Variants in PCDHGA2 observed in about 807,000 individuals in gnomAD.
PCDHGA2 encodes protocadherin gamma-A2.
PCDHGA2 carries 40 observed loss-of-function variants against 59.2 expected under a neutral mutation model. That is an observed-to-expected ratio of 0.68 (90% CI 0.52 to 0.88). The LOEUF (loss-of-function observed/expected upper bound fraction) is 0.88. PCDHGA2 is among the 40% of genes least tolerant of loss of function. The pLI, the probability that PCDHGA2 is intolerant of heterozygous loss-of-function variation, is 0.00. For synonymous variants in PCDHGA2, 560 were observed against 526.0 expected, an observed-to-expected ratio of 1.06 and a Z score of -0.89; for missense variants, 1,226 against 1,204.0, an observed-to-expected ratio of 1.02 and a Z score of -0.27.
At chr5:141,371,868 G>C (rs755178809) in intron 1 of PCDHGA2, 2 of 1,613,510 alleles carry the variant, frequency 1.2e-6, no homozygotes, top group Non-Finnish European at 8.5e-7. Flanking sequence ...CTACTACATC[G>C]TGGCCAGTGA....
chr5:141,505,557 A>C (rs2099846692), intron 3 of PCDHGA2, 76 bp downstream of exon 3: 1 of 1,606,080 alleles, frequency 6.2e-7, no homozygotes, highest in Non-Finnish European at 8.5e-7. Flanking sequence ...CACCATGCCC[A>C]CGGACTGGAT....
chr5:141,461,830 CT>C (rs1030113508), intron 1 of PCDHGA2, among the ~76,000 whole-genome samples: 30 of 145,198 alleles, frequency 2.1e-4, no homozygotes, highest in Non-Finnish European at 2.4e-4. Flanking sequence ...ATTTTTTTTT[CT>C]TTTTTTTTTG....
chr5:141,429,741 C>T (rs2097240604), intron 1 of PCDHGA2, among the ~76,000 whole-genome samples: 1 of 152,106 alleles, frequency 6.6e-6, no homozygotes, highest in Admixed American at 6.5e-5. Flanking sequence ...CCAGTTATTT[C>T]TTAGGGAGAA....
rs183831513 is a variant in PCDHGA2 at position 141,497,605 on chromosome 5, T to A, written c.2483+2740T>A. ...CCCAAGCTGGAGTGCAGTGGTGCGA[T>A]CTTGGCTCACTGCAACCTCTGCCTG... On this transcript the variant is annotated intron_variant, in intron 2 of 3. Coordinates refer to ENST00000394576, the MANE Select transcript of PCDHGA2 (RefSeq NM_018915.4). Among the ~76,000 whole-genome samples, 19 of 151,488 alleles carry A rather than the reference T, an allele frequency of 1.3e-4. No individual in the cohort carries two copies. In the East Asian group the frequency reaches 3.7e-3, roughly 29 times the overall value.
At chr5:141,372,197 C>A in intron 1 of PCDHGA2, 1 of 1,613,590 alleles carries the variant, frequency 6.2e-7, no homozygotes, top group Non-Finnish European at 8.5e-7. Context: ...CGGGATACAA[C>A]GCCTGGCTGT....
rs777634460 is a variant in PCDHGA2 at position 141,375,881 on chromosome 5, C to T, written c.2424+34486C>T. 4 of 1,613,818 alleles carry T rather than the reference C, an allele frequency of 2.5e-6. No individual in the cohort carries two copies. The South Asian group carries it at 4.4e-5, about 18-fold the overall frequency. ...GGTGGCGGTGGACAGAGACTCGGGC[C>T]AGAACGCCTGGCTGTCCTACCGCCT... On this transcript the variant is annotated intron_variant, in intron 1 of 3. Coordinates refer to ENST00000394576, the MANE Select transcript of PCDHGA2 (RefSeq NM_018915.4).
In PCDHGA2 at chr5:141,341,321, A is replaced by G. The variant is rs1388617397; in HGVS notation, c.2350A>G (p.Ser784Gly). 3.7e-6 allele frequency: 6 copies of G among 1,614,210 alleles called. No homozygotes were observed. The South Asian group carries it at 5.5e-5, about 15-fold the overall frequency. Residue 784 changes from serine to glycine, a missense_variant, in exon 1 of 4, where the codon AGC becomes GGC. Transcript: ENST00000394576. ...TGCGGACACGCTCATCAGCCAGGAG[A>G]GCTGTGAGAAAAAGGATTTTTTATC... ...NYADTLISQESCEKKDFLSAP... is the reference protein window; with the variant it reads ...NYADTLISQEGCEKKDFLSAP...
chr5:141,439,171 C>T (rs948650584), intron 1 of PCDHGA2, among the ~76,000 whole-genome samples: 3 of 146,478 alleles, frequency 2.0e-5, no homozygotes, highest in Non-Finnish European at 3.0e-5. Context: ...CCAGCCTGGG[C>T]GACATAGTGA....
At chr5:141,419,146 G>A in intron 1 of PCDHGA2, 1 of 1,613,922 alleles carries the variant, frequency 6.2e-7, no homozygotes, top group Non-Finnish European at 8.5e-7. Context: ...ACAGGGGCAA[G>A]CCTCCGTTAT....
At chr5:141,372,809 G>T in intron 1 of PCDHGA2, 3 of 1,587,730 alleles carry the variant, frequency 1.9e-6, no homozygotes, top group Non-Finnish European at 2.6e-6. Context: ...ATTTGCAAAA[G>T]GTGAGTTTCT....
intron 1 of PCDHGA2, among the ~76,000 whole-genome samples, chr5:141,462,264 G>A (rs966953621): frequency 1.3e-5 from 2 of 152,174 alleles, no homozygotes; most frequent in African/African-American, 4.8e-5. Context: ...CCAGCCTAAA[G>A]TGTATTGTTT....
At position 141,458,567 on chromosome 5, in the gene PCDHGA2, T is replaced by TTTTG. The variant is rs144471304; in HGVS notation, c.2425-36224_2425-36221dup. Among the ~76,000 whole-genome samples the TTTTG allele has an allele frequency of 8.6e-5, 13 of 151,610 alleles. No individual in the cohort carries two copies. The East Asian group carries it at 1.5e-3, about 18-fold the overall frequency. On this transcript the variant is annotated intron_variant, in intron 1 of 3. Coordinates refer to ENST00000394576, the MANE Select transcript of PCDHGA2 (RefSeq NM_018915.4). ...TTGTTTGTTTGTTTTGGTTTTGGGT[T>TTTTG]TTTGTTTGTTTGTTTGTTTTGGAGA...
intron 1 of PCDHGA2, chr5:141,420,053 T>C (rs1178680836): frequency 3.1e-6 from 5 of 1,613,970 alleles, no homozygotes; most frequent in Non-Finnish European, 2.5e-6. Context: ...GTCAGTTCTC[T>C]GCTCCAAGTC....
chr5:141,471,394 G>A (rs1349459242), intron 1 of PCDHGA2: 1 of 152,056 alleles, frequency 6.6e-6, no homozygotes, highest in Non-Finnish European at 1.5e-5. Context: ...TACAAGTTAC[G>A]TAGCTAGGCT....
chr5:141,374,563 T>G, intron 1 of PCDHGA2: 1 of 1,613,710 alleles, frequency 6.2e-7, no homozygotes, highest in South Asian at 1.1e-5. Context: ...TCTATGACCC[T>G]GATGTGGGAA....
chr5:141,389,837 A>C, intron 1 of PCDHGA2: 2 of 1,613,842 alleles, frequency 1.2e-6, no homozygotes, highest in South Asian at 2.2e-5. Context: ...GACAGCCACC[A>C]CTCTCGGCCA....
intron 1 of PCDHGA2, chr5:141,371,902 C>T: frequency 6.2e-7 from 1 of 1,613,404 alleles, no homozygotes; most frequent in Non-Finnish European, 8.5e-7. Flanking sequence ...GAGCTGTCGT[C>T]CTACGTGTCC....
At position 141,491,065 on chromosome 5, in the gene PCDHGA2, C is replaced by T; in HGVS notation, c.2425-3742C>T. On this transcript the variant is annotated intron_variant, in intron 1 of 3. Transcript: ENST00000394576. This position sits in a 1 kb window ranked among gnomAD's most constrained non-coding sequence, Gnocchi z 6.9. ...CCACAATGCGTGGCTCTCCTACTCA[C>T]TGTTGCCACAGTCCACAGCCCCAGG... 4 of 1,614,210 alleles carry T rather than the reference C, an allele frequency of 2.5e-6. No individual in the cohort carries two copies. Among genetic ancestry groups the T allele is most frequent in the Admixed American group, 1.7e-5 (1 of 60,030 alleles).
At chr5:141,399,494 G>T in intron 1 of PCDHGA2, 1 of 1,614,032 alleles carries the variant, frequency 6.2e-7, no homozygotes, top group Non-Finnish European at 8.5e-7. Flanking sequence ...TACTTAGTCA[G>T]TGTACCCGAA....
Sources: gnomAD v4.1 joint callset for allele counts (sites outside exome capture counted in the v4.1 genomes callset) on GRCh38, gnomAD v4.1.1 for gene constraint, Gnocchi (gnomAD v3.1) non-coding constraint, MANE v1.5 for transcripts, NCBI Gene and HGNC (gene_info 2026-07-23, HGNC 2026-07-21) for gene names.